The following PPP4R2 variants were observed in gnomAD, a reference collection of about 807,000 sequenced individuals.
PPP4R2 encodes protein phosphatase 4 regulatory subunit 2, also known as serine/threonine-protein phosphatase 4 regulatory subunit 2.
In PPP4R2, 13 loss-of-function variants were observed where a neutral mutation model predicts 47.2. That is an observed-to-expected ratio of 0.28 (90% CI 0.18 to 0.44). PPP4R2 has a LOEUF of 0.44. Among genes scored for constraint, PPP4R2 ranks in the 20% least tolerant of loss-of-function variants. The pLI is 1.00. For missense variants in PPP4R2, 421 were observed against 491.2 expected (o/e 0.86, Z 1.35); for synonymous variants, 151 against 163.3 (o/e 0.92, Z 0.57).
chr3:73,046,745 T>C (rs1429604262), intron 2 of PPP4R2, among the ~76,000 whole-genome samples: 1 of 152,170 alleles, frequency 6.6e-6, no homozygotes, highest in Non-Finnish European at 1.5e-5. Context: ...TGTTATTTAG[T>C]AGATAATAGA....
In PPP4R2 at chr3:73,065,469, C is replaced by G. The variant is rs1271583494; in HGVS notation, c.1001C>G (p.Thr334Ser). The G allele has an allele frequency of 5.6e-6, 9 of 1,611,560 alleles. No homozygotes were observed. Among genetic ancestry groups the G allele is most frequent in the Non-Finnish European group, 7.6e-6 (9 of 1,179,668 alleles). Residue 334 changes from threonine to serine, a missense_variant, in exon 9 of 9, where the codon ACT (threonine) becomes AGT (serine). Coordinates refer to ENST00000356692, the MANE Select transcript of PPP4R2 (RefSeq NM_174907.4). ...NQEKESDDALTVNEETSEENN... is the reference protein window; with the variant it reads ...NQEKESDDALSVNEETSEENN... ...GAAAAAGAATCTGATGATGCCTTAA[C>G]TGTGAATGAAGAGACTTCTGAGGAA...
In PPP4R2 at chr3:73,067,763, A is replaced by T. The variant is rs1315733728; in HGVS notation, c.*2041A>T. On this transcript the variant is annotated 3_prime_UTR_variant, in exon 9 of 9. Transcript: ENST00000356692. ...GGTTGTAAGTTGAAGATTTAGCATT[A>T]TGACTTTGAGGTCTGTGGTTTTATT... 6.6e-6 allele frequency: 1 copy of T among 152,218 alleles called. No individual in the cohort carries two copies. The highest frequency in any genetic ancestry group is 1.9e-4 in the East Asian group (1 of 5,200). The allele number at this position is 152,218 out of a possible 1,614,324, so 9.4% of individuals were successfully genotyped here. A position where few individuals can be genotyped will look rare whatever the true frequency, so the allele number is the denominator to read the frequency against.
intron 8 of PPP4R2, 60 bp downstream of exon 8, chr3:73,065,201 A>AT (rs1559572266): frequency 3.4e-6 from 5 of 1,479,122 alleles, no homozygotes; most frequent in African/African-American, 1.4e-5. Flanking sequence ...CTTGTACTTC[A>AT]TTTTTTTCGT....
At chr3:73,029,862 A>G (rs1046900300) in intron 2 of PPP4R2, among the ~76,000 whole-genome samples, 1 of 152,224 alleles carries the variant, frequency 6.6e-6, no homozygotes, top group Non-Finnish European at 1.5e-5. Context: ...AGGAGGAGTG[A>G]TCAACTGTAA....
intron 3 of PPP4R2, among the ~76,000 whole-genome samples, chr3:73,055,667 CTTT>C (rs5850095): frequency 7.0e-6 from 1 of 143,092 alleles, no homozygotes; most frequent in Admixed American, 7.0e-5. Flanking sequence ...AAACCAAACG[CTTT>C]TTTTTTTTTG....
intron 2 of PPP4R2, among the ~76,000 whole-genome samples, chr3:73,000,120 T>C (rs765221442): frequency 6.6e-6 from 1 of 152,192 alleles, no homozygotes; most frequent in Non-Finnish European, 1.5e-5. Context: ...ATGTGGTGGC[T>C]CATGCCTGTA....
intron 2 of PPP4R2, among the ~76,000 whole-genome samples, chr3:73,044,485 C>CT (rs994175090): frequency 2.0e-5 from 3 of 152,112 alleles, no homozygotes. Context: ...ACTTGGGAGG[C>CT]TGAAGCAGGA....
At chr3:73,061,390 G>A (rs940879971) in intron 5 of PPP4R2, 4 of 165,294 alleles carry the variant, frequency 2.4e-5, no homozygotes, top group African/African-American at 9.5e-5. Context: ...TAATTCCCAT[G>A]TTTGGAATAA....
At chr3:73,013,589 A>G (rs1386581250) in intron 2 of PPP4R2, among the ~76,000 whole-genome samples, 1 of 152,138 alleles carries the variant, frequency 6.6e-6, no homozygotes, top group East Asian at 1.9e-4. Flanking sequence ...GTTAAATGCC[A>G]TGAAACTTCA....
In PPP4R2 at chr3:73,064,933, T is replaced by C; in HGVS notation, c.720T>C (p.Ala240=). 1.9e-6 allele frequency: 3 copies of C among 1,613,826 alleles called. No individual in the cohort carries two copies. Among genetic ancestry groups the C allele is most frequent in the Non-Finnish European group, 2.5e-6 (3 of 1,179,804 alleles). ...ATCCAGATGAAGATGCTGTGGAAGC[T>C]GAGGGGCATGAGGTAAAAAGACTCA... is the stretch of plus-strand genomic sequence containing the variant. The part of the protein sequence containing the change: ...NKHPDEDAVE[A]EGHEVKRLRF... Residue 240 remains alanine, a synonymous_variant, in exon 8 of 9, where the codon GCT becomes GCC. Coordinates refer to ENST00000356692, the MANE Select transcript of PPP4R2 (RefSeq NM_174907.4).
intron 2 of PPP4R2, among the ~76,000 whole-genome samples, chr3:73,035,767 A>G (rs991370224): frequency 1.3e-5 from 2 of 152,056 alleles, no homozygotes; most frequent in African/African-American, 4.8e-5. Flanking sequence ...CTGGGACTAC[A>G]GGCACACACC....
chr3:73,022,470 A>G (rs1187695732), intron 2 of PPP4R2, among the ~76,000 whole-genome samples: 1 of 152,222 alleles, frequency 6.6e-6, no homozygotes, highest in African/African-American at 2.4e-5. Context: ...TAGAAGCCTC[A>G]TAATGTGTGA....
At chr3:73,062,871 C>T (rs1441680774) in intron 5 of PPP4R2, 3 of 1,613,350 alleles carry the variant, frequency 1.9e-6, no homozygotes, top group Admixed American at 3.3e-5. Context: ...CTTTGAATCC[C>T]CTCTACACAA....
chr3:73,012,541 T>C (rs1003622498), intron 2 of PPP4R2, among the ~76,000 whole-genome samples: 1 of 152,190 alleles, frequency 6.6e-6, no homozygotes, highest in Non-Finnish European at 1.5e-5. Flanking sequence ...GACCTCATGA[T>C]CCACCCACCT....
intron 2 of PPP4R2, among the ~76,000 whole-genome samples, chr3:73,011,933 T>C (rs73097194): frequency 0.023 from 3,532 of 152,288 alleles, 51 homozygotes; most frequent in Admixed American, 0.053. Context: ...TGCTATAGAA[T>C]TTGAAATTTA....
chr3:73,045,960 A>G (rs1190233299), intron 2 of PPP4R2, among the ~76,000 whole-genome samples: 1 of 152,202 alleles, frequency 6.6e-6, no homozygotes, highest in Non-Finnish European at 1.5e-5. Context: ...TAATTTTTTT[A>G]ATACCTGTTT....
chr3:73,053,537 G>A (rs1702664137), intron 3 of PPP4R2, among the ~76,000 whole-genome samples: 1 of 152,144 alleles, frequency 6.6e-6, no homozygotes, highest in Admixed American at 6.5e-5. Context: ...TTTGACAATT[G>A]CTATAGATTA....
Position 73,068,374 on chromosome 3 carries a change from A to G in PPP4R2, c.*2652A>G, listed in dbSNP as rs1703044005. On this transcript the variant is annotated 3_prime_UTR_variant, in exon 9 of 9. Transcript: ENST00000356692. ...GATGGTGATGAGGAAAGTGAGATATATATATATATATGTATTATGTTTCTA... is the reference window on the plus strand; with the variant it reads ...GATGGTGATGAGGAAAGTGAGATATGTATATATATATGTATTATGTTTCTA... 2 of 152,166 alleles carry G rather than the reference A, an allele frequency of 1.3e-5. No individual in the cohort carries two copies. Among genetic ancestry groups the G allele is most frequent in the South Asian group, 4.1e-4 (2 of 4,830 alleles). 9.4% of individuals were successfully genotyped at this position (152,166 alleles called of 1,614,324 possible).
intron 2 of PPP4R2, among the ~76,000 whole-genome samples, chr3:73,046,009 A>G (rs906588596): frequency 2.6e-5 from 4 of 152,192 alleles, no homozygotes; most frequent in Admixed American, 2.0e-4. Context: ...GATGTATTCA[A>G]GGGTTGGGAT....
Sources: allele counts gnomAD v4.1 joint callset (sites outside exome capture counted in the v4.1 genomes callset), GRCh38; gene constraint gnomAD v4.1.1; transcripts MANE v1.5; gene names NCBI Gene and HGNC (gene_info 2026-07-23, HGNC 2026-07-21).